The following HMSD variants were observed in gnomAD, a reference collection of about 807,000 sequenced individuals.
HMSD encodes the protein histocompatibility minor serpin domain containing.
Under a neutral mutation model 10.0 loss-of-function variants are expected in HMSD, and 13 were observed. The ratio of observed to expected loss-of-function variants is 1.31; its 90% confidence interval spans 0.85 to 2.08. The LOEUF (loss-of-function observed/expected upper bound fraction) is 2.08. HMSD is among the 30% of genes most tolerant of loss of function. HMSD has a pLI of 0.00. For missense variants in HMSD, 169 were observed against 166.3 expected (o/e 1.02, Z -0.09); for synonymous variants, 51 against 54.2 (o/e 0.94, Z 0.26).
Position 63,960,477 on chromosome 18 carries a change from T to G in HMSD, c.*122T>G, listed in dbSNP as rs1348551351. The stretch of plus-strand genomic sequence containing the variant: ...TCCCTTATCAAGTATCTGTGATGTC[T>G]CTCTAGATGAAATAATCTCTTCCAG... On this transcript the variant is annotated 3_prime_UTR_variant, in exon 4 of 4. Transcript: ENST00000408945. 1 of 1,346,880 alleles carries G rather than the reference T, an allele frequency of 7.4e-7. No individual in the cohort carries two copies. The highest frequency in any genetic ancestry group is 2.7e-5 in the East Asian group (1 of 36,754). 83.4% of individuals were successfully genotyped at this position (1,346,880 alleles called of 1,614,324 possible). A position where few individuals can be genotyped will look rare whatever the true frequency, so the allele number is the denominator to read the frequency against.
chr18:63,960,523 T>C lies in HMSD; in HGVS notation c.*168T>C, dbSNP rs2050381043. 1 of 1,041,440 alleles carries C rather than the reference T, an allele frequency of 9.6e-7. No homozygotes were observed. 64.5% of individuals were successfully genotyped at this position (1,041,440 alleles called of 1,614,324 possible). ...TCCAGGTTTTTTTGCTTGTTAATAT[T>C]AGGTAGTTTTTCTTTTCACAAATAG... is the stretch of plus-strand genomic sequence containing the variant. On this transcript the variant is annotated 3_prime_UTR_variant, in exon 4 of 4. Coordinates refer to ENST00000408945, the MANE Select transcript of HMSD (RefSeq NM_001123366.2).
At chr18:63,957,424 A>G (rs549052404) in intron 3 of HMSD, among the ~76,000 whole-genome samples, 21 of 152,000 alleles carry the variant, frequency 1.4e-4, no homozygotes, top group African/African-American at 3.6e-4. Context: ...ACATTTTTCT[A>G]TGGGGTTGTA....
chr18:63,964,991 T>A (rs572864171), downstream of HMSD, among the ~76,000 whole-genome samples: 14 of 152,328 alleles, frequency 9.2e-5, no homozygotes, highest in African/African-American at 2.6e-4. Context: ...ACAGTATTTT[T>A]AAAAAATCTA....
chr18:63,961,380 G>T lies in HMSD; in HGVS notation c.*1025G>T, dbSNP rs1183181753. The T allele has an allele frequency of 1.3e-5, 2 of 151,990 alleles. No homozygotes were observed. Among genetic ancestry groups the T allele is most frequent in the African/African-American group, 4.8e-5 (2 of 41,308 alleles). 9.4% of individuals were successfully genotyped at this position (151,990 alleles called of 1,614,324 possible). A position where few individuals can be genotyped will look rare whatever the true frequency, so the allele number is the denominator to read the frequency against. On this transcript the variant is annotated 3_prime_UTR_variant, in exon 4 of 4. Coordinates refer to ENST00000408945, the MANE Select transcript of HMSD (RefSeq NM_001123366.2). ...TTCCTAGAGGGTCTTGTGAAATTTT[G>T]TTTGTCATATTCTCTTTGAAGAGTT...
At chr18:63,949,753 G>A (rs1038417816) in intron 1 of HMSD, among the ~76,000 whole-genome samples, 4 of 152,196 alleles carry the variant, frequency 2.6e-5, no homozygotes, top group Admixed American at 2.6e-4. Context: ...TGAAGTTTAT[G>A]TTGGGCGCTG....
intron 1 of HMSD, among the ~76,000 whole-genome samples, chr18:63,950,833 C>G (rs1004575892): frequency 6.6e-6 from 1 of 152,186 alleles, no homozygotes; most frequent in African/African-American, 2.4e-5. Flanking sequence ...GTAGCAGTGT[C>G]AGGTCAGTCA....
At chr18:63,962,487 T>G (rs2050390839), downstream of HMSD, among the ~76,000 whole-genome samples, 1 of 152,164 alleles carries the variant, frequency 6.6e-6, no homozygotes, top group Admixed American at 6.5e-5. Flanking sequence ...ACTCAGAAAC[T>G]TCTGGCACCA....
intron 1 of HMSD, among the ~76,000 whole-genome samples, chr18:63,950,403 G>A (rs1169985009): frequency 3.9e-5 from 4 of 101,492 alleles, no homozygotes; most frequent in Non-Finnish European, 7.1e-5. Flanking sequence ...GGGACAAAGC[G>A]AGACTCTCTC....
At chr18:63,952,535 A>G (rs922905001) in intron 1 of HMSD, among the ~76,000 whole-genome samples, 5 of 152,166 alleles carry the variant, frequency 3.3e-5, no homozygotes, top group Non-Finnish European at 7.3e-5. Context: ...TTTATACTTA[A>G]TATTGTATTT....
At chr18:63,956,071 C>G (rs2050356519) in intron 3 of HMSD, among the ~76,000 whole-genome samples, 1 of 152,200 alleles carries the variant, frequency 6.6e-6, no homozygotes, top group African/African-American at 2.4e-5. Context: ...ACCAAAGCCA[C>G]AGCCCCAGTA....
intron 2 of HMSD, 40 bp downstream of exon 2, chr18:63,953,567 A>G (rs376040798): frequency 3.3e-6 from 5 of 1,501,028 alleles, no homozygotes; most frequent in South Asian, 2.3e-5. Context: ...AGTGCTATCA[A>G]TTTATCAGTT....
At chr18:63,959,942 A>T (rs1398816152) in intron 3 of HMSD, among the ~76,000 whole-genome samples, 1 of 152,152 alleles carries the variant, frequency 6.6e-6, no homozygotes, top group East Asian at 1.9e-4. Flanking sequence ...GATGAAAATC[A>T]CTTGATATGC....
chr18:63,963,431 A>G (rs1355462227), downstream of HMSD, among the ~76,000 whole-genome samples: 3 of 151,840 alleles, frequency 2.0e-5, no homozygotes, highest in Non-Finnish European at 2.9e-5. Flanking sequence ...GGGTTTCACC[A>G]TGTTGGCCAG....
At chr18:63,968,208 C>T (rs2050419314) in intron 3 of HMSD, 2 of 152,292 alleles carry the variant, frequency 1.3e-5, no homozygotes, top group African/African-American at 4.8e-5. Context: ...CATGCTGCGT[C>T]CTTAACGCCT....
At chr18:63,958,671 A>G (rs1387406852) in intron 3 of HMSD, among the ~76,000 whole-genome samples, 1 of 152,124 alleles carries the variant, frequency 6.6e-6, no homozygotes, top group Non-Finnish European at 1.5e-5. Flanking sequence ...CATTATGTAC[A>G]TGAGTATAAG....
intron 3 of HMSD, among the ~76,000 whole-genome samples, chr18:63,958,907 G>A (rs773213748): frequency 3.9e-5 from 6 of 151,960 alleles, no homozygotes; most frequent in Non-Finnish European, 8.8e-5. Flanking sequence ...AAATGTAGAG[G>A]CAAATATAGC....
chr18:63,959,284 C>T (rs965722891), intron 3 of HMSD, among the ~76,000 whole-genome samples: 3 of 152,156 alleles, frequency 2.0e-5, no homozygotes, highest in Admixed American at 2.0e-4. Flanking sequence ...ATATTGTATT[C>T]CCACCAGCAA....
At position 63,960,585 on chromosome 18, in the gene HMSD, C is replaced by A; in HGVS notation, c.*230C>A. ...GAATTTAAAAATTTCTAGCTGTCTC[C>A]CTCACTGGTATTGCCATACTGTATG... On this transcript the variant is annotated 3_prime_UTR_variant, in exon 4 of 4. Coordinates refer to ENST00000408945, the MANE Select transcript of HMSD (RefSeq NM_001123366.2). 1 of 493,572 alleles carries A rather than the reference C, an allele frequency of 2.0e-6. No homozygotes were observed. Among genetic ancestry groups the A allele is most frequent in the Non-Finnish European group, 3.3e-6 (1 of 307,458 alleles). The allele number at this position is 493,572 out of a possible 1,614,324, so 30.6% of individuals were successfully genotyped here. A position where few individuals can be genotyped will look rare whatever the true frequency, so the allele number is the denominator to read the frequency against.
In HMSD at chr18:63,954,458, T is replaced by G. The variant is rs1308023844; in HGVS notation, c.123T>G (p.Gly41=). The change falls in exon 3 of 4, where the codon GGT becomes GGG. Residue 41 remains glycine (G), a synonymous_variant. Transcript: ENST00000408945. ...GTGAAGATGGAGATATTCATCGAGG[T>G]TTTCAGTCACTTCTTGTTGCAATTA... ...IGGEDGDIHR[G]FQSLLVAINR... The G allele has an allele frequency of 1.2e-5, 20 of 1,613,622 alleles. No individual in the cohort carries two copies. Among genetic ancestry groups the G allele is most frequent in the Non-Finnish European group, 1.6e-5 (19 of 1,179,542 alleles).
Sources: allele counts gnomAD v4.1 joint callset (sites outside exome capture counted in the v4.1 genomes callset), GRCh38; gene constraint gnomAD v4.1.1; transcripts MANE v1.5; gene names NCBI Gene and HGNC (gene_info 2026-07-23, HGNC 2026-07-21).